The following EXOC4 variants were observed in gnomAD, a reference collection of about 807,000 sequenced individuals.
EXOC4 encodes exocyst complex component 4, also known as SEC8-like 1.
Under a neutral mutation model 107.2 loss-of-function variants are expected in EXOC4, and 71 were observed. That is an observed-to-expected ratio of 0.66 (90% confidence interval 0.55 to 0.81). The LOEUF is 0.81. Ranked by LOEUF, EXOC4 falls within the 30% of genes least tolerant of loss-of-function variation. The probability of loss-of-function intolerance (pLI) is 0.00; values close to 1 mark genes in which losing one functional copy is unlikely to be tolerated. For synonymous variants in EXOC4, 456 were observed against 441.2 expected (o/e 1.03, Z -0.42); for missense variants, 1,108 against 1,189.6 (o/e 0.93, Z 1.01).
At chr7:133,927,449 C>A (rs537271286) in intron 13 of EXOC4, among the ~76,000 whole-genome samples, 1 of 152,138 alleles carries the variant, frequency 6.6e-6, no homozygotes, top group Non-Finnish European at 1.5e-5. Flanking sequence ...TTGAAAGGTT[C>A]TCAACGTAAT....
intron 14 of EXOC4, among the ~76,000 whole-genome samples, chr7:133,940,864 T>C (rs901368022): frequency 2.6e-5 from 4 of 151,900 alleles, no homozygotes; most frequent in Admixed American, 6.6e-5. Context: ...AGGAAAATGC[T>C]CAGCAGGATG....
At chr7:133,698,093 T>A (rs887799176) in intron 10 of EXOC4, among the ~76,000 whole-genome samples, 1 of 133,056 alleles carries the variant, frequency 7.5e-6, no homozygotes, top group South Asian at 2.7e-4. Flanking sequence ...ATGAGTTATT[T>A]CATTAAAAAA....
intron 12 of EXOC4, among the ~76,000 whole-genome samples, chr7:133,902,809 T>C (rs1168570122): frequency 1.3e-5 from 2 of 151,370 alleles, no homozygotes; most frequent in Non-Finnish European, 2.9e-5. Flanking sequence ...GAGCCGAGAT[T>C]GCGCCACTGC....
intron 17 of EXOC4, among the ~76,000 whole-genome samples, chr7:134,033,164 T>C (rs1429737329): frequency 6.6e-6 from 1 of 152,084 alleles, no homozygotes; most frequent in East Asian, 1.9e-4. Context: ...AGAAGTTCCA[T>C]GTTCATAATC....
chr7:133,574,273 A>G (rs888330669), intron 9 of EXOC4, among the ~76,000 whole-genome samples: 1 of 152,290 alleles, frequency 6.6e-6, no homozygotes, highest in South Asian at 2.1e-4. Flanking sequence ...ATAATTATAT[A>G]TGATTTATAT....
intron 14 of EXOC4, among the ~76,000 whole-genome samples, chr7:133,944,908 C>T (rs1414952779): frequency 6.6e-6 from 1 of 152,048 alleles, no homozygotes; most frequent in East Asian, 1.9e-4. Flanking sequence ...ACCATGCTGA[C>T]ATTAAAAGAG....
At chr7:133,832,317 T>C (rs1196867204) in intron 11 of EXOC4, among the ~76,000 whole-genome samples, 2 of 152,244 alleles carry the variant, frequency 1.3e-5, no homozygotes, top group Non-Finnish European at 2.9e-5. Context: ...ATGATGTTTT[T>C]AATTTGCATA....
chr7:133,600,826 A>G (rs1801789070), intron 9 of EXOC4, among the ~76,000 whole-genome samples: 1 of 152,080 alleles, frequency 6.6e-6, no homozygotes, highest in Non-Finnish European at 1.5e-5. Context: ...GCTTATTTTT[A>G]TTTTTATTTT....
At chr7:133,766,053 C>G (rs1796132695) in intron 10 of EXOC4, among the ~76,000 whole-genome samples, 1 of 151,928 alleles carries the variant, frequency 6.6e-6, no homozygotes, top group East Asian at 1.9e-4. Context: ...GAACTTTTAC[C>G]AGGAGTCCTT....
chr7:133,784,135 T>G (rs1796521518), intron 10 of EXOC4, among the ~76,000 whole-genome samples: 1 of 152,190 alleles, frequency 6.6e-6, no homozygotes, highest in Non-Finnish European at 1.5e-5. Context: ...GCTTTATCAT[T>G]TGATTAACAT....
chr7:133,898,804 C>A (rs1480468440), intron 12 of EXOC4, among the ~76,000 whole-genome samples: 3 of 146,274 alleles, frequency 2.1e-5, no homozygotes, highest in African/African-American at 7.6e-5. Flanking sequence ...ATGGTGAAAG[C>A]CCATCTCTAC....
At chr7:134,066,927 C>A (rs1018645699), downstream of EXOC4, among the ~76,000 whole-genome samples, 8 of 152,070 alleles carry the variant, frequency 5.3e-5, no homozygotes, top group Admixed American at 2.0e-4. Flanking sequence ...CTGAGGCAGG[C>A]AGATCAGGAG....
chr7:133,934,582 T>A (rs1432335859), intron 13 of EXOC4, among the ~76,000 whole-genome samples: 4 of 152,164 alleles, frequency 2.6e-5, no homozygotes, highest in Non-Finnish European at 5.9e-5. Context: ...CAGATTAGAC[T>A]TCTTACATAA....
chr7:133,939,538 A>G (rs749413005), intron 14 of EXOC4, among the ~76,000 whole-genome samples: 1 of 152,142 alleles, frequency 6.6e-6, no homozygotes, highest in Admixed American at 6.5e-5. Context: ...TGAAAATACT[A>G]CTTATTTTTG....
intron 14 of EXOC4, among the ~76,000 whole-genome samples, chr7:133,984,990 T>C (rs1207297739): frequency 6.6e-6 from 1 of 152,210 alleles, no homozygotes. Context: ...TGGTTTTTAC[T>C]CTTTTTTGGG....
rs896192142 is a variant in EXOC4 at position 133,840,694 on chromosome 7, G to A, written c.1734+23150G>A. On this transcript the variant is annotated intron_variant, in intron 11 of 17. Transcript: ENST00000253861. The stretch of plus-strand genomic sequence containing the variant: ...GACGGAGTTTCACCATGTTGGACAG[G>A]ATGGTCTCCATCTCCTGGCCTCGCG... Among the ~76,000 whole-genome samples, 2 of 151,812 alleles carry A rather than the reference G, an allele frequency of 1.3e-5. 1 individual carries two copies. The highest frequency in any genetic ancestry group is 4.8e-5 in the African/African-American group (2 of 41,332).
intron 7 of EXOC4, among the ~76,000 whole-genome samples, chr7:133,384,321 C>T (rs964115159): frequency 7.2e-5 from 11 of 152,198 alleles, no homozygotes; most frequent in Admixed American, 3.3e-4. Flanking sequence ...GGCCTCATTA[C>T]GTCTTGGCCT....
chr7:133,684,464 A>G (rs1485270574), intron 10 of EXOC4, among the ~76,000 whole-genome samples: 1 of 152,140 alleles, frequency 6.6e-6, no homozygotes, highest in African/African-American at 2.4e-5. Flanking sequence ...GATAAGGTAG[A>G]AGGCTTTTCC....
intron 11 of EXOC4, among the ~76,000 whole-genome samples, chr7:133,830,320 G>A (rs966108135): frequency 6.6e-6 from 1 of 152,226 alleles, no homozygotes; most frequent in African/African-American, 2.4e-5. Context: ...GGCTTCTGAC[G>A]CTTTACCAGA....
Sources: gnomAD v4.1 joint callset for allele counts (sites outside exome capture counted in the v4.1 genomes callset) on GRCh38, gnomAD v4.1.1 for gene constraint, MANE v1.5 for transcripts, NCBI Gene and HGNC (gene_info 2026-07-23, HGNC 2026-07-21) for gene names.